Variants in PBX3 observed in about 807,000 individuals in gnomAD.
The protein encoded by PBX3 is pre-B-cell leukemia transcription factor 3.
Under a neutral mutation model 48.5 loss-of-function variants are expected in PBX3, and 14 were observed. The observed-to-expected ratio is 0.29, with a 90% CI of 0.19 to 0.45. PBX3 has a LOEUF of 0.45. Ranked by LOEUF, PBX3 falls within the 20% of genes least tolerant of loss-of-function variation. PBX3 has a pLI of 1.00. For missense variants in PBX3, 386 were observed against 546.7 expected, an observed-to-expected ratio of 0.71 and a Z score of 2.93; for synonymous variants, 210 against 200.3, an observed-to-expected ratio of 1.05 and a Z score of -0.41.
At chr9:125,949,640 C>CT (rs1023061866) in intron 5 of PBX3, among the ~76,000 whole-genome samples, 6 of 152,130 alleles carry the variant, frequency 3.9e-5, no homozygotes, top group Non-Finnish European at 8.8e-5. Context: ...GGTATACCCA[C>CT]TTTAACAATT....
rs1251668055 is a variant in PBX3, at chr9:125,960,533, A to G, written c.844-151A>G. The G allele has an allele frequency of 4.5e-6, 3 of 660,210 alleles. No homozygotes were observed. The African/African-American group carries it at 5.4e-5, about 12-fold the overall frequency. 40.9% of individuals were successfully genotyped at this position (660,210 alleles called of 1,614,324 possible). ...TTTGCCAAAAGAGAAAATAACCCCCAAAACCATTATGCATGATCCATAGGA... is the reference window on the plus strand; with the variant it reads ...TTTGCCAAAAGAGAAAATAACCCCCGAAACCATTATGCATGATCCATAGGA... On this transcript the variant is annotated intron_variant, in intron 5 of 8. Coordinates refer to ENST00000373489, the MANE Select transcript of PBX3 (RefSeq NM_006195.6).
At chr9:125,901,163 A>G (rs1399508505) in intron 2 of PBX3, among the ~76,000 whole-genome samples, 2 of 151,722 alleles carry the variant, frequency 1.3e-5, no homozygotes, top group Admixed American at 6.6e-5. Flanking sequence ...AGTTGATGTG[A>G]TATCTACCCG....
chr9:125,844,585 G>A (rs1345445558), intron 2 of PBX3: 2 of 152,082 alleles, frequency 1.3e-5, no homozygotes, highest in Admixed American at 6.6e-5. Context: ...GTACAGGGTT[G>A]AAAAAGCTTT....
At chr9:125,957,348 T>G (rs1842331964) in intron 5 of PBX3, among the ~76,000 whole-genome samples, 1 of 152,210 alleles carries the variant, frequency 6.6e-6, no homozygotes, top group African/African-American at 2.4e-5. Context: ...GGCCATTAAT[T>G]TTAATTGCCT....
chr9:125,883,965 T>C (rs1840441349), intron 2 of PBX3, among the ~76,000 whole-genome samples: 1 of 152,142 alleles, frequency 6.6e-6, no homozygotes, highest in African/African-American at 2.4e-5. Flanking sequence ...AGCATCCCAG[T>C]GTGTTTATAC....
At chr9:125,801,626 T>G (rs1837947077) in intron 2 of PBX3, among the ~76,000 whole-genome samples, 1 of 152,092 alleles carries the variant, frequency 6.6e-6, no homozygotes, top group African/African-American at 2.4e-5. Context: ...ATAATAAAAT[T>G]AGTGATGTAT....
At chr9:125,883,404 G>A (rs796644369) in intron 2 of PBX3, among the ~76,000 whole-genome samples, 14 of 152,208 alleles carry the variant, frequency 9.2e-5, no homozygotes, top group African/African-American at 2.4e-4. Context: ...TAATCTATAC[G>A]AGGCTATTTT....
chr9:125,858,092 G>A (rs564525226), intron 2 of PBX3, among the ~76,000 whole-genome samples: 2 of 152,274 alleles, frequency 1.3e-5, no homozygotes, highest in African/African-American at 4.8e-5. Flanking sequence ...GGCTGGGTGT[G>A]GTGGCTCACT....
At chr9:125,892,241 G>T (rs1334514074) in intron 2 of PBX3, among the ~76,000 whole-genome samples, 1 of 151,992 alleles carries the variant, frequency 6.6e-6, no homozygotes, top group Non-Finnish European at 1.5e-5. Context: ...CATTTTAATT[G>T]GAACTGTATT....
intron 2 of PBX3, among the ~76,000 whole-genome samples, chr9:125,864,645 A>G (rs116032683): frequency 0.07 from 10,679 of 152,258 alleles, 1,178 homozygotes; most frequent in African/African-American, 0.24. Context: ...TTGCATGCAC[A>G]GATCACAATA....
intron 2 of PBX3, among the ~76,000 whole-genome samples, chr9:125,846,443 G>C (rs1177447070): frequency 1.3e-5 from 2 of 151,938 alleles, no homozygotes; most frequent in Non-Finnish European, 2.9e-5. Context: ...TACCTAATTA[G>C]GAATTCATAC....
At chr9:125,953,997 C>T (rs1842249545) in intron 5 of PBX3, among the ~76,000 whole-genome samples, 1 of 152,236 alleles carries the variant, frequency 6.6e-6, no homozygotes. Context: ...CTTCCTAAAT[C>T]CACCTGCCCC....
At chr9:125,767,296 T>G (rs1394365309) in intron 2 of PBX3, among the ~76,000 whole-genome samples, 1 of 152,238 alleles carries the variant, frequency 6.6e-6, no homozygotes, top group Non-Finnish European at 1.5e-5. Flanking sequence ...ATTAAACCAA[T>G]GGCATTAAAC....
chr9:125,904,671 A>G (rs1285747953), intron 2 of PBX3, among the ~76,000 whole-genome samples: 1 of 151,852 alleles, frequency 6.6e-6, no homozygotes, highest in Non-Finnish European at 1.5e-5. Context: ...CCCATCAAAG[A>G]GAGGAATATT....
At chr9:125,963,231 C>T (rs938535982) in intron 8 of PBX3, 130 bp downstream of exon 8, 4 of 520,404 alleles carry the variant, frequency 7.7e-6, no homozygotes, top group Middle Eastern at 4.8e-4. Context: ...CTTTGCTGCA[C>T]TTTTATTTTA....
At chr9:125,756,698 G>A (rs1223555049) in intron 2 of PBX3, among the ~76,000 whole-genome samples, 3 of 152,088 alleles carry the variant, frequency 2.0e-5, no homozygotes, top group Non-Finnish European at 2.9e-5. Flanking sequence ...GCATCTCTTC[G>A]GTGTGCATGT....
At chr9:125,826,577 A>G (rs780292597) in intron 2 of PBX3, among the ~76,000 whole-genome samples, 5 of 152,132 alleles carry the variant, frequency 3.3e-5, no homozygotes, top group Non-Finnish European at 5.9e-5. Flanking sequence ...TTGGGTGATG[A>G]CACACACTTT....
At chr9:125,924,331 T>C (rs1469020924) in intron 3 of PBX3, among the ~76,000 whole-genome samples, 1 of 152,246 alleles carries the variant, frequency 6.6e-6, no homozygotes, top group African/African-American at 2.4e-5. Flanking sequence ...TCATATCTGC[T>C]TCTACAGTCA....
chr9:125,954,071 T>C (rs544372185), intron 5 of PBX3, among the ~76,000 whole-genome samples: 64 of 152,314 alleles, frequency 4.2e-4, no homozygotes, highest in African/African-American at 1.5e-3. Context: ...TTTTCTTACT[T>C]TATGAAAGAA....
Sources: allele counts gnomAD v4.1 joint callset (sites outside exome capture counted in the v4.1 genomes callset), GRCh38; gene constraint gnomAD v4.1.1; transcripts MANE v1.5; gene names NCBI Gene and HGNC (gene_info 2026-07-23, HGNC 2026-07-21).